RAPGEF1: variants seen among roughly 807,000 people sequenced by gnomAD.
RAPGEF1 encodes the protein CRK SH3-binding GNRP.
In RAPGEF1, 33 loss-of-function variants were observed where a neutral mutation model predicts 143.3. The observed-to-expected ratio is 0.23, with a 90% CI of 0.17 to 0.31. RAPGEF1 has a LOEUF of 0.31. Ranked by LOEUF, RAPGEF1 falls within the 10% of genes least tolerant of loss-of-function variation. RAPGEF1 has a pLI of 1.00. For synonymous variants in RAPGEF1, 629 were observed against 676.5 expected, an observed-to-expected ratio of 0.93 and a Z score of 1.09; for missense variants, 1,199 against 1,645.4, an observed-to-expected ratio of 0.73 and a Z score of 4.69.
rs1315215351 is a variant in RAPGEF1 at position 131,626,031 on chromosome 9, C to T, written c.1593G>A (p.Gln531=). ...CGACAGGGGCTGAGGAACCTCCATG[C>T]TGAAAGGGCAGAATAGCAGCAAAGG... is the stretch of plus-strand genomic sequence containing the variant. The part of the protein sequence containing the change: ...YAPFAAILPF[Q]HGGSSAPVEF... The change falls in exon 10 of 27, where the codon CAG becomes CAA. Residue 531 remains glutamine, a synonymous_variant. Transcript: ENST00000683357. 1 of 1,612,490 alleles carries T rather than the reference C, an allele frequency of 6.2e-7. No homozygotes were observed. Among genetic ancestry groups the T allele is most frequent in the Non-Finnish European group, 8.5e-7 (1 of 1,178,630 alleles).
At chr9:131,703,800 T>C (rs1250491828) in intron 1 of RAPGEF1, among the ~76,000 whole-genome samples, 2 of 152,208 alleles carry the variant, frequency 1.3e-5, no homozygotes, top group Non-Finnish European at 2.9e-5. Context: ...CTGATGGTCA[T>C]TGATGCACAG....
intron 12 of RAPGEF1, among the ~76,000 whole-genome samples, chr9:131,612,461 C>T (rs1427969069): frequency 1.3e-5 from 2 of 152,192 alleles, no homozygotes; most frequent in African/African-American, 2.4e-5. Context: ...GCCCCCAATG[C>T]GAGGCACTCT....
At chr9:131,653,323 A>T (rs540048879) in intron 1 of RAPGEF1, among the ~76,000 whole-genome samples, 1 of 152,350 alleles carries the variant, frequency 6.6e-6, no homozygotes, top group South Asian at 2.1e-4. Flanking sequence ...TTACACTGTT[A>T]TTTTTATTGT....
At chr9:131,697,126 A>G (rs1024438307) in intron 1 of RAPGEF1, among the ~76,000 whole-genome samples, 1 of 152,244 alleles carries the variant, frequency 6.6e-6, no homozygotes. Context: ...CATGCCTGAG[A>G]TGAGCTTGCT....
At chr9:131,691,867 T>A (rs1564171885) in intron 1 of RAPGEF1, among the ~76,000 whole-genome samples, 1 of 151,994 alleles carries the variant, frequency 6.6e-6, no homozygotes. Context: ...TTTCTCAGAT[T>A]AAAAAAAACA....
chr9:131,611,266 C>G (rs912263005), intron 12 of RAPGEF1, among the ~76,000 whole-genome samples: 6 of 152,146 alleles, frequency 3.9e-5, no homozygotes, highest in Non-Finnish European at 8.8e-5. Flanking sequence ...CAAAGAAAGG[C>G]AACATTAGCA....
rs1951339232 is a variant in RAPGEF1, at chr9:131,577,482, G to A, written c.*2015C>T. 6.6e-6 allele frequency: 1 copy of A among 152,300 alleles called. No individual in the cohort carries two copies. Among genetic ancestry groups the A allele is most frequent in the Non-Finnish European group, 1.5e-5 (1 of 68,088 alleles). 9.4% of individuals were successfully genotyped at this position (152,300 alleles called of 1,614,324 possible). ...TGGAGTGAGAGGCCTGGTTTCTGAGGCTGCAGCATGGCACTGGCATTGCCT... is the reference window on the plus strand; with the variant it reads ...TGGAGTGAGAGGCCTGGTTTCTGAGACTGCAGCATGGCACTGGCATTGCCT... On this transcript the variant is annotated 3_prime_UTR_variant, in exon 27 of 27. Coordinates refer to ENST00000683357, the MANE Select transcript of RAPGEF1 (RefSeq NM_001377935.1).
chr9:131,684,998 G>T (rs1342135871), intron 1 of RAPGEF1, among the ~76,000 whole-genome samples: 1 of 152,188 alleles, frequency 6.6e-6, no homozygotes, highest in Non-Finnish European at 1.5e-5. Flanking sequence ...AGGAAAGCGG[G>T]ACAACCAGTC....
intron 5 of RAPGEF1, among the ~76,000 whole-genome samples, chr9:131,632,295 A>ATTTTTT (rs55684326): frequency 2.2e-5 from 3 of 136,104 alleles, no homozygotes; most frequent in Non-Finnish European, 4.7e-5. Flanking sequence ...CACCCGGCTA[A>ATTTTTT]TTTTTTTTTT....
chr9:131,725,870 T>C (rs1836628511), intron 1 of RAPGEF1, among the ~76,000 whole-genome samples: 1 of 149,202 alleles, frequency 6.7e-6, no homozygotes, highest in Non-Finnish European at 1.5e-5. Flanking sequence ...GCCATTCTCC[T>C]GCCTCAGCCT....
At chr9:131,622,888 C>G (rs1961625382) in intron 10 of RAPGEF1, among the ~76,000 whole-genome samples, 2 of 152,042 alleles carry the variant, frequency 1.3e-5, no homozygotes, top group African/African-American at 4.8e-5. Flanking sequence ...CTGCCTCAGT[C>G]TACTGAGTAG....
chr9:131,618,958 G>A (rs1028951871), intron 12 of RAPGEF1, 93 bp downstream of exon 12: 10 of 1,149,436 alleles, frequency 8.7e-6, no homozygotes, highest in Middle Eastern at 3.6e-4. Flanking sequence ...CAGGGGCCGC[G>A]ACGGGCAGCA....
At chr9:131,679,833 G>A (rs1832760075) in intron 1 of RAPGEF1, among the ~76,000 whole-genome samples, 3 of 152,330 alleles carry the variant, frequency 2.0e-5, no homozygotes, top group South Asian at 2.1e-4. Context: ...TCAGCTCCCT[G>A]CCACAGGGGC....
At chr9:131,697,974 G>C (rs941370590) in intron 1 of RAPGEF1, among the ~76,000 whole-genome samples, 1 of 152,280 alleles carries the variant, frequency 6.6e-6, no homozygotes, top group Middle Eastern at 3.4e-3. Context: ...GGGGCGTGAA[G>C]GGGAACATGT....
At chr9:131,623,995 CT>C (rs1962131276) in intron 10 of RAPGEF1, among the ~76,000 whole-genome samples, 2 of 152,138 alleles carry the variant, frequency 1.3e-5, no homozygotes, top group South Asian at 2.1e-4. Flanking sequence ...CTCAGGGTGC[CT>C]AAGTTTGGGG....
intron 1 of RAPGEF1, among the ~76,000 whole-genome samples, chr9:131,665,057 G>A (rs144888344): frequency 2.6e-5 from 4 of 152,262 alleles, no homozygotes; most frequent in Admixed American, 1.3e-4. Context: ...GAGAGCTGTC[G>A]GCATATACAC....
intron 3 of RAPGEF1, among the ~76,000 whole-genome samples, chr9:131,645,682 G>A (rs1396055371): frequency 6.6e-6 from 1 of 152,260 alleles, no homozygotes; most frequent in Non-Finnish European, 1.5e-5. Context: ...TCCAGCACTG[G>A]CTCGGACTGG....
At chr9:131,613,071 C>T (rs11243454) in intron 12 of RAPGEF1, among the ~76,000 whole-genome samples, 15,712 of 152,198 alleles carry the variant, frequency 0.1, 1,028 homozygotes, top group East Asian at 0.25. Flanking sequence ...CCCCACATGG[C>T]GACAGATCTG....
In RAPGEF1 at chr9:131,655,359, T is replaced by C. The variant is rs1380344037; in HGVS notation, c.62-4410A>G. On this transcript the variant is annotated intron_variant, in intron 1 of 26. Coordinates refer to ENST00000683357, the MANE Select transcript of RAPGEF1 (RefSeq NM_001377935.1). The surrounding 1 kb of genome is among the most constrained non-coding windows in gnomAD (Gnocchi z 4.1). ...TCAACAGGAAGCTGCTGCACCTGGCTAGCTCACCTGGAACAGCTCAACAGG... is the reference window on the plus strand; with the variant it reads ...TCAACAGGAAGCTGCTGCACCTGGCCAGCTCACCTGGAACAGCTCAACAGG... Among the ~76,000 whole-genome samples, 2 of 152,182 alleles carry C rather than the reference T, an allele frequency of 1.3e-5. No individual in the cohort carries two copies. Among genetic ancestry groups the C allele is most frequent in the Admixed American group, 1.3e-4 (2 of 15,288 alleles).
Sources: allele counts gnomAD v4.1 joint callset (sites outside exome capture counted in the v4.1 genomes callset), GRCh38; gene constraint gnomAD v4.1.1; non-coding constraint Gnocchi (gnomAD v3.1); transcripts MANE v1.5; gene names NCBI Gene and HGNC (gene_info 2026-07-23, HGNC 2026-07-21).